Variants in FAM219A observed in about 807,000 individuals in gnomAD.
FAM219A encodes the protein family with sequence similarity 219 member A, also known as protein FAM219A.
Under a neutral mutation model 23.4 loss-of-function variants are expected in FAM219A, and 7 were observed. The observed-to-expected ratio is 0.30, with a 90% CI of 0.17 to 0.56. The LOEUF is 0.56. FAM219A is among the 20% of genes least tolerant of loss of function. FAM219A has a pLI of 0.92. For synonymous variants in FAM219A, 93 were observed against 99.0 expected (o/e 0.94, Z 0.36); for missense variants, 166 against 246.9 (o/e 0.67, Z 2.20).
intron 1 of FAM219A, among the ~76,000 whole-genome samples, chr9:34,419,165 T>A (rs921816616): frequency 3.3e-5 from 5 of 152,096 alleles, no homozygotes; most frequent in Admixed American, 2.0e-4. Flanking sequence ...CAATTTTTTT[T>A]TAAAAAAATT....
intron 1 of FAM219A, among the ~76,000 whole-genome samples, chr9:34,416,306 G>C (rs1197041277): frequency 1.7e-5 from 2 of 115,998 alleles, no homozygotes; most frequent in Non-Finnish European, 4.4e-5. Context: ...AAGGAAGGAA[G>C]GAACGAAGGA....
Position 34,457,004 on chromosome 9 carries a change from G to C in FAM219A, c.60+1200C>G, listed in dbSNP as rs1823756030. Among the ~76,000 whole-genome samples, 2 of 152,170 alleles carry C rather than the reference G, an allele frequency of 1.3e-5. No homozygotes were observed. The highest frequency in any genetic ancestry group is 4.8e-5 in the African/African-American group (2 of 41,420). On this transcript the variant is annotated intron_variant, in intron 1 of 5. Coordinates refer to ENST00000651358, the MANE Select transcript of FAM219A (RefSeq NM_001184940.2). The surrounding 1 kb of genome is among the most constrained non-coding windows in gnomAD (Gnocchi z 5.1). ...TACAAAGCACATCTGTCAGCCAGGG[G>C]GTTATAGGCCCAAGGGTAGACCTGT...
intron 1 of FAM219A, among the ~76,000 whole-genome samples, chr9:34,409,005 C>T (rs970096723): frequency 6.6e-6 from 1 of 152,232 alleles, no homozygotes; most frequent in Admixed American, 6.5e-5. Context: ...TGTTGAGCAA[C>T]TCTGGTCACA....
intron 1 of FAM219A, among the ~76,000 whole-genome samples, chr9:34,418,886 A>G (rs1442568603): frequency 1.3e-5 from 2 of 152,172 alleles, no homozygotes; most frequent in Non-Finnish European, 2.9e-5. Context: ...CCTGGACAAC[A>G]CAGCGAAACC....
At chr9:34,454,081 A>G (rs1022053886) in intron 1 of FAM219A, among the ~76,000 whole-genome samples, 1 of 152,256 alleles carries the variant, frequency 6.6e-6, no homozygotes, top group Admixed American at 6.5e-5. Flanking sequence ...TGTCTGAAAG[A>G]TAGATACAGC....
At chr9:34,405,148 A>AGT (rs1425505452) in intron 2 of FAM219A, among the ~76,000 whole-genome samples, 1 of 152,192 alleles carries the variant, frequency 6.6e-6, no homozygotes, top group Non-Finnish European at 1.5e-5. Context: ...TTTTCATAAA[A>AGT]GTGTGTTATA....
chr9:34,449,579 G>A (rs1309774399), intron 1 of FAM219A, among the ~76,000 whole-genome samples: 1 of 152,210 alleles, frequency 6.6e-6, no homozygotes, highest in Admixed American at 6.5e-5. Context: ...GCAAAATGGT[G>A]TGGGTTATAA....
In FAM219A at chr9:34,417,987, G is replaced by A. The variant is rs1822097226; in HGVS notation, c.61-12023C>T. On this transcript the variant is annotated intron_variant, in intron 1 of 5. Transcript: ENST00000651358. This position sits in a 1 kb window ranked among gnomAD's most constrained non-coding sequence, Gnocchi z 4.1. The stretch of plus-strand genomic sequence containing the variant: ...TGCCAGCATGTCAGCTGTAGGAACC[G>A]TGACGGTAATTGCGGAGCCAGAAAG... 6.6e-6 allele frequency among the ~76,000 whole-genome samples: 1 copy of A among 152,186 alleles called. No individual in the cohort carries two copies. Among genetic ancestry groups the A allele is most frequent in the African/African-American group, 2.4e-5 (1 of 41,438 alleles).
At chr9:34,432,620 T>C (rs1295417192) in intron 1 of FAM219A, among the ~76,000 whole-genome samples, 15 of 152,178 alleles carry the variant, frequency 9.9e-5, no homozygotes, top group Non-Finnish European at 1.8e-4. Context: ...ATAAACATAT[T>C]ATTTCAAGTA....
intron 5 of FAM219A, among the ~76,000 whole-genome samples, chr9:34,401,324 C>G (rs1174882133): frequency 6.6e-6 from 1 of 152,188 alleles, no homozygotes; most frequent in Non-Finnish European, 1.5e-5. Flanking sequence ...TTCTAGTCAC[C>G]CCTCCCCATT....
In FAM219A at chr9:34,417,700, T is replaced by C. The variant is rs2131956268; in HGVS notation, c.61-11736A>G. On this transcript the variant is annotated intron_variant, in intron 1 of 5. Coordinates refer to ENST00000651358, the MANE Select transcript of FAM219A (RefSeq NM_001184940.2). The surrounding 1 kb of genome is among the most constrained non-coding windows in gnomAD (Gnocchi z 4.1). ...TTATTTTTCACTGTGTGCCAGGGAA[T>C]TTCAGGTCATCACATTTACCCATTA... is the stretch of plus-strand genomic sequence containing the variant. Among the ~76,000 whole-genome samples the C allele has an allele frequency of 6.6e-6, 1 of 152,346 alleles. No homozygotes were observed. Among genetic ancestry groups the C allele is most frequent in the African/African-American group, 2.4e-5 (1 of 41,588 alleles).
chr9:34,402,532 G>T (rs556935074), intron 3 of FAM219A, 65 bp from the exon 4 acceptor site: 1 of 1,602,104 alleles, frequency 6.2e-7, no homozygotes, highest in African/African-American at 1.3e-5. Context: ...AAGGGACTGG[G>T]TTGGGCCCCG....
At chr9:34,422,871 T>C (rs1822330350) in intron 1 of FAM219A, among the ~76,000 whole-genome samples, 1 of 152,068 alleles carries the variant, frequency 6.6e-6, no homozygotes, top group African/African-American at 2.4e-5. Flanking sequence ...TCTGGACATA[T>C]AAAAATAATA....
intron 1 of FAM219A, among the ~76,000 whole-genome samples, chr9:34,432,489 C>T (rs115616338): frequency 0.011 from 1,642 of 152,322 alleles, 32 homozygotes; most frequent in African/African-American, 0.037. Context: ...TGCATGGAAA[C>T]ATTATATCTC....
intron 1 of FAM219A, among the ~76,000 whole-genome samples, chr9:34,453,819 C>G (rs1283669709): frequency 6.6e-6 from 1 of 152,136 alleles, no homozygotes; most frequent in Non-Finnish European, 1.5e-5. Context: ...CAATTGCAGC[C>G]GAAGAGAAGA....
intron 1 of FAM219A, among the ~76,000 whole-genome samples, chr9:34,451,893 C>A (rs1396659175): frequency 2.0e-5 from 3 of 152,136 alleles, no homozygotes; most frequent in Non-Finnish European, 2.9e-5. Flanking sequence ...GTGTCCTTTT[C>A]CATTTTGACA....
At chr9:34,430,140 A>C (rs1822636139) in intron 1 of FAM219A, among the ~76,000 whole-genome samples, 1 of 152,120 alleles carries the variant, frequency 6.6e-6, no homozygotes, top group African/African-American at 2.4e-5. Flanking sequence ...GGAGGGGATA[A>C]GGGGGAATCC....
intron 2 of FAM219A, among the ~76,000 whole-genome samples, chr9:34,405,159 T>C (rs1181069474): frequency 2.0e-5 from 3 of 152,214 alleles, no homozygotes; most frequent in African/African-American, 7.2e-5. Context: ...GTGTGTTATA[T>C]ACAGCAGCCA....
At chr9:34,406,057 T>G in intron 1 of FAM219A, 93 bp from the exon 2 acceptor site, 1 of 1,268,730 alleles carries the variant, frequency 7.9e-7, no homozygotes, top group South Asian at 1.4e-5. Context: ...ACCTGCCCTC[T>G]GGGCTTCTGT....
Sources: allele counts gnomAD v4.1 joint callset (sites outside exome capture counted in the v4.1 genomes callset), GRCh38; gene constraint gnomAD v4.1.1; non-coding constraint Gnocchi (gnomAD v3.1); transcripts MANE v1.5; gene names NCBI Gene and HGNC (gene_info 2026-07-23, HGNC 2026-07-21).